Variants in NELL1 observed in about 807,000 individuals in gnomAD.
The protein encoded by NELL1 is protein kinase C-binding protein NELL1.
Under a neutral mutation model 107.4 loss-of-function variants are expected in NELL1, and 76 were observed. The observed-to-expected ratio is 0.71, with a 90% CI of 0.59 to 0.86. NELL1 has a LOEUF of 0.86. NELL1 is among the 40% of genes least tolerant of loss of function. The probability of loss-of-function intolerance (pLI) is 0.00; values close to 1 mark genes in which losing one functional copy is unlikely to be tolerated. For missense variants in NELL1, 1,024 were observed against 1,005.5 expected, an observed-to-expected ratio of 1.02 and a Z score of -0.25; for synonymous variants, 353 against 341.2, an observed-to-expected ratio of 1.03 and a Z score of -0.38.
chr11:21,508,198 A>C (rs1855342947), intron 15 of NELL1, among the ~76,000 whole-genome samples: 1 of 152,220 alleles, frequency 6.6e-6, no homozygotes, highest in South Asian at 2.1e-4. Flanking sequence ...GGGGGACTAA[A>C]GTACAGATAC....
At chr11:21,116,493 T>G (rs1855239067) in intron 13 of NELL1, among the ~76,000 whole-genome samples, 1 of 152,022 alleles carries the variant, frequency 6.6e-6, no homozygotes, top group Non-Finnish European at 1.5e-5. Context: ...CAACTTGACA[T>G]GTACACATAG....
At chr11:21,450,696 G>A (rs535278935) in intron 15 of NELL1, among the ~76,000 whole-genome samples, 4 of 152,140 alleles carry the variant, frequency 2.6e-5, no homozygotes, top group Non-Finnish European at 5.9e-5. Context: ...GAAGAAAGCC[G>A]AATCTGGACA....
rs529710996 is a variant in NELL1, at chr11:21,168,332, T to C, written c.1426+54618T>C. On this transcript the variant is annotated intron_variant, in intron 13 of 19. Transcript: ENST00000357134. Reference sequence around the variant, plus strand: ...TTAGAATGCTCTTCCTTTTTTTTTATTGAGTTAAAAAATATCATCTCACTG... The same window carrying C: ...TTAGAATGCTCTTCCTTTTTTTTTACTGAGTTAAAAAATATCATCTCACTG... Among the ~76,000 whole-genome samples, 3 of 151,710 alleles carry C rather than the reference T, an allele frequency of 2.0e-5. No individual in the cohort carries two copies. The South Asian group carries it at 6.3e-4, about 32-fold the overall frequency.
intron 16 of NELL1, among the ~76,000 whole-genome samples, chr11:21,557,522 G>T (rs1193902370): frequency 2.0e-5 from 3 of 151,974 alleles, no homozygotes; most frequent in Non-Finnish European, 2.9e-5. Flanking sequence ...TGGTGGATGG[G>T]TTGAAGTTAT....
intron 2 of NELL1, among the ~76,000 whole-genome samples, chr11:20,712,072 C>T (rs1255317193): frequency 1.3e-5 from 2 of 152,040 alleles, no homozygotes; most frequent in Non-Finnish European, 2.9e-5. Flanking sequence ...TTTCTTTCTC[C>T]TCAGGAGCAC....
intron 12 of NELL1, among the ~76,000 whole-genome samples, chr11:21,028,604 T>C (rs1852878163): frequency 6.6e-6 from 1 of 152,150 alleles, no homozygotes; most frequent in South Asian, 2.1e-4. Context: ...GCTGCACTTC[T>C]CTCCCATTTT....
At chr11:21,095,633 A>G (rs531601843) in intron 12 of NELL1, among the ~76,000 whole-genome samples, 2 of 152,086 alleles carry the variant, frequency 1.3e-5, no homozygotes, top group Admixed American at 1.3e-4. Flanking sequence ...TTTTCAAGAC[A>G]GAGTTTTGTT....
intron 12 of NELL1, among the ~76,000 whole-genome samples, chr11:21,013,954 T>C (rs1226439054): frequency 6.6e-6 from 1 of 152,084 alleles, no homozygotes; most frequent in Non-Finnish European, 1.5e-5. Context: ...CAGTTTGGAT[T>C]TGTCTGATTT....
chr11:21,231,316 A>G (rs1428362052), intron 14 of NELL1, among the ~76,000 whole-genome samples: 1 of 152,186 alleles, frequency 6.6e-6, no homozygotes, highest in Non-Finnish European at 1.5e-5. Context: ...AAAAAAGAAA[A>G]TTCACTTATT....
chr11:21,129,996 G>T (rs1440428860), intron 13 of NELL1, among the ~76,000 whole-genome samples: 1 of 152,158 alleles, frequency 6.6e-6, no homozygotes, highest in Non-Finnish European at 1.5e-5. Context: ...CTTCCCATTA[G>T]TAAGTTATGC....
chr11:21,481,267 G>C (rs1207040409), intron 15 of NELL1, among the ~76,000 whole-genome samples: 7 of 152,130 alleles, frequency 4.6e-5, no homozygotes, highest in Admixed American at 4.6e-4. Context: ...TTCATAAAGG[G>C]CTCATAAAAT....
At chr11:21,290,174 C>T (rs771969949) in intron 14 of NELL1, among the ~76,000 whole-genome samples, 10 of 151,990 alleles carry the variant, frequency 6.6e-5, no homozygotes, top group Admixed American at 2.0e-4. Context: ...TCGAGACCAT[C>T]CTGTCTAACA....
chr11:21,098,812 C>A (rs1214102884), intron 12 of NELL1, among the ~76,000 whole-genome samples: 1 of 151,348 alleles, frequency 6.6e-6, no homozygotes, highest in Non-Finnish European at 1.5e-5. Context: ...CTCTACCCTT[C>A]TCTCTCTCTC....
chr11:20,853,087 A>T (rs1044861756), intron 4 of NELL1, among the ~76,000 whole-genome samples: 3 of 152,196 alleles, frequency 2.0e-5, no homozygotes, highest in African/African-American at 4.8e-5. Flanking sequence ...TGTGATCTGA[A>T]TCTGATTCTG....
At chr11:21,383,751 G>A (rs933194915) in intron 15 of NELL1, 4 of 150,752 alleles carry the variant, frequency 2.7e-5, no homozygotes, top group African/African-American at 9.7e-5. Context: ...TAGTTATTGA[G>A]TGTTTCCAGT....
At chr11:21,128,820 C>T (rs917623663) in intron 13 of NELL1, among the ~76,000 whole-genome samples, 19 of 152,296 alleles carry the variant, frequency 1.2e-4, no homozygotes, top group African/African-American at 4.1e-4. Flanking sequence ...CCCTGTAATG[C>T]TTTTCTTGGC....
chr11:20,748,923 T>C (rs1176734990), intron 2 of NELL1, among the ~76,000 whole-genome samples: 3 of 143,190 alleles, frequency 2.1e-5, no homozygotes, highest in African/African-American at 5.8e-5. Flanking sequence ...CATCCATCCA[T>C]CCATCCATCC....
intron 15 of NELL1, among the ~76,000 whole-genome samples, chr11:21,423,326 C>A (rs1468518061): frequency 6.6e-6 from 1 of 151,900 alleles, no homozygotes; most frequent in East Asian, 1.9e-4. Flanking sequence ...GCTGAGATTG[C>A]ACCACTGCAT....
At chr11:21,459,440 A>G (rs1278091350) in intron 15 of NELL1, among the ~76,000 whole-genome samples, 2 of 151,854 alleles carry the variant, frequency 1.3e-5, no homozygotes, top group Non-Finnish European at 2.9e-5. Context: ...AATATGGAAC[A>G]TTGGGTTTTT....
Sources: gnomAD v4.1 joint callset for allele counts (sites outside exome capture counted in the v4.1 genomes callset) on GRCh38, gnomAD v4.1.1 for gene constraint, MANE v1.5 for transcripts, NCBI Gene and HGNC (gene_info 2026-07-23, HGNC 2026-07-21) for gene names.